The following CCDC88B variants were observed in gnomAD, a reference collection of about 807,000 sequenced individuals.
CCDC88B encodes coiled-coil domain-containing protein 88B.
CCDC88B carries 138 observed loss-of-function variants against 183.7 expected under a neutral mutation model. That is an observed-to-expected ratio of 0.75 (90% CI 0.65 to 0.87). The LOEUF is 0.87. Ranked by LOEUF, CCDC88B falls within the 40% of genes least tolerant of loss-of-function variation. The pLI, the probability that CCDC88B is intolerant of heterozygous loss-of-function variation, is 0.00. For missense variants in CCDC88B, 1,822 were observed against 1,965.6 expected, an observed-to-expected ratio of 0.93 and a Z score of 1.38; for synonymous variants, 835 against 867.5, an observed-to-expected ratio of 0.96 and a Z score of 0.66.
rs139153963 is a variant in CCDC88B, at chr11:64,349,595, C to T, written c.2789C>T (p.Ala930Val). The T allele has an allele frequency of 2.5e-4, 400 of 1,600,432 alleles. 2 individuals carry two copies. The African/African-American group carries it at 4.6e-3, about 18-fold the overall frequency. ...CGGCTGGAAGCTGAGCTGCAGGCGGCGGCGACCAGCAAGGAGGAGGCGCTG... is the reference window on the plus strand; with the variant it reads ...CGGCTGGAAGCTGAGCTGCAGGCGGTGGCGACCAGCAAGGAGGAGGCGCTG... ...EQRLEAELQA[A>V]ATSKEEALME... The change falls in exon 16 of 27, where the codon GCG becomes GTG. Residue 930 changes from alanine (A) to valine (V), a missense_variant. By Grantham distance (64) the Ala-to-Val change is moderately conservative. Coordinates refer to ENST00000356786, the MANE Select transcript of CCDC88B (RefSeq NM_032251.6).
Position 64,353,779 on chromosome 11 carries a change from C to G in CCDC88B, c.3898C>G (p.Arg1300Gly). Reference sequence around the variant, plus strand: ...CGTGGAGAAGATCATGGACCAATACCGCGTGCTGGAGCCTGTGCCCCTGCC... The same window carrying G: ...CGTGGAGAAGATCATGGACCAATACGGCGTGCTGGAGCCTGTGCCCCTGCC... The part of the protein sequence containing the change: ...KLVEKIMDQY[R>G]VLEPVPLPRT... Residue 1300 changes from arginine (R) to glycine (G), a missense_variant, in exon 23 of 27, where the codon CGC becomes GGC. Arg to Gly is a moderately radical substitution (Grantham distance 125). Transcript: ENST00000356786. 6.2e-7 allele frequency: 1 copy of G among 1,614,088 alleles called. No individual in the cohort carries two copies. Among genetic ancestry groups the G allele is most frequent in the Middle Eastern group, 1.7e-4 (1 of 6,058 alleles).
rs2035988890 is a variant in CCDC88B at position 64,343,855 on chromosome 11, AG to A, written c.1399del (p.Glu467ArgfsTer71). 1.9e-6 allele frequency: 3 copies of A among 1,604,252 alleles called. No homozygotes were observed. Among genetic ancestry groups the A allele is most frequent in the Non-Finnish European group, 2.6e-6 (3 of 1,175,870 alleles). ...GGCTGGGCGGCTTCGGACCCTTGAG[AG>A]GGAGAACCGGGAGCTTCGGGGGCTG... The part of the protein sequence containing the change: ...AEAGRLRTLE[R>X]ENRELRGLLQ... On this transcript the variant is annotated frameshift_variant, in exon 13 of 27. Transcript: ENST00000356786. LOFTEE classifies it high-confidence loss of function.
intron 14 of CCDC88B, among the ~76,000 whole-genome samples, chr11:64,347,966 C>G (rs767830545): frequency 1.4e-5 from 2 of 144,588 alleles, no homozygotes; most frequent in African/African-American, 2.6e-5. Flanking sequence ...AGGAGAATTG[C>G]TTGAACCCAG....
rs2036584057 is a variant in CCDC88B, at chr11:64,357,413, A to G, written c.*319A>G. The G allele has an allele frequency of 1.4e-6, 1 of 717,060 alleles. No individual in the cohort carries two copies. Among genetic ancestry groups the G allele is most frequent in the Non-Finnish European group, 2.6e-6 (1 of 384,990 alleles). 44.4% of individuals were successfully genotyped at this position (717,060 alleles called of 1,614,324 possible). On this transcript the variant is annotated 3_prime_UTR_variant, in exon 27 of 27. Transcript: ENST00000356786. Reference sequence around the variant, plus strand: ...GAGGCTGGCAGGAGTTGGCAAGAGAACCCCCTGCCCTGTCCAGGTGGGAAG... The same window carrying G: ...GAGGCTGGCAGGAGTTGGCAAGAGAGCCCCCTGCCCTGTCCAGGTGGGAAG...
At position 64,342,372 on chromosome 11, in the gene CCDC88B, G is replaced by A. The variant is rs1667483728; in HGVS notation, c.900G>A (p.Gln300=). 2 of 1,580,284 alleles carry A rather than the reference G, an allele frequency of 1.3e-6. No homozygotes were observed. Among genetic ancestry groups the A allele is most frequent in the Non-Finnish European group, 1.7e-6 (2 of 1,163,888 alleles). The change falls in exon 9 of 27, where the codon CAG becomes CAA. Residue 300 remains glutamine (Q), a synonymous_variant. Coordinates refer to ENST00000356786, the MANE Select transcript of CCDC88B (RefSeq NM_032251.6). ...GLEAEIRRLR[Q]EAQALSGQAK... ...AGGCCGAAATAAGAAGGCTCCGCCAGGAGGTGCGCTCACATGCTCCCCGCC... is the reference window on the plus strand; with the variant it reads ...AGGCCGAAATAAGAAGGCTCCGCCAAGAGGTGCGCTCACATGCTCCCCGCC...
chr11:64,347,480 G>A (rs2036157572), intron 14 of CCDC88B, among the ~76,000 whole-genome samples: 1 of 152,204 alleles, frequency 6.6e-6, no homozygotes, highest in African/African-American at 2.4e-5. Flanking sequence ...GGGAGGAAGA[G>A]TAATTTGCTC....
chr11:64,352,833 A>G lies in CCDC88B; in HGVS notation c.3446A>G (p.His1149Arg), dbSNP rs754897011. The G allele has an allele frequency of 2.1e-5, 34 of 1,612,360 alleles. No individual in the cohort carries two copies. Among genetic ancestry groups the G allele is most frequent in the African/African-American group, 4.0e-5 (3 of 74,942 alleles). Residue 1149 changes from histidine (H) to arginine (R), a missense_variant, in exon 20 of 27, where the codon CAT becomes CGT. Transcript: ENST00000356786. ...CGTGAACGCCTGATGCAAGATGGGC[A>G]TCGGCAGCGGGGCCTGGAGGAGGAG... Reference protein sequence around the residue: ...AERERLMQDGHRQRGLEEELR... With the variant: ...AERERLMQDGRRQRGLEEELR...
chr11:64,355,222 G>T lies in CCDC88B; in HGVS notation c.4128G>T (p.Arg1376=), dbSNP rs1469209957. ...TGSPSPAPMR[R]AQSSLCLRDE... ...CCCCTTCCCCGGCACCCATGCGCCGGGCCCAGAGCTCCCTCTGCCTGCGGG... is the reference window on the plus strand; with the variant it reads ...CCCCTTCCCCGGCACCCATGCGCCGTGCCCAGAGCTCCCTCTGCCTGCGGG... Residue 1376 remains arginine (R), a synonymous_variant, in exon 25 of 27, where the codon CGG becomes CGT. Coordinates refer to ENST00000356786, the MANE Select transcript of CCDC88B (RefSeq NM_032251.6). 6.6e-7 allele frequency: 1 copy of T among 1,504,406 alleles called. No individual in the cohort carries two copies. Among genetic ancestry groups the T allele is most frequent in the Non-Finnish European group, 8.9e-7 (1 of 1,129,470 alleles). 93.2% of individuals were successfully genotyped at this position (1,504,406 alleles called of 1,614,324 possible). A position where few individuals can be genotyped will look rare whatever the true frequency, so the allele number is the denominator to read the frequency against.
intron 18 of CCDC88B, 112 bp downstream of exon 18, chr11:64,351,728 T>C (rs2036341096): frequency 1.5e-6 from 2 of 1,303,210 alleles, no homozygotes; most frequent in East Asian, 2.5e-5. Flanking sequence ...GCCCCACCTC[T>C]TCCCCAGTCT....
At position 64,352,771 on chromosome 11, in the gene CCDC88B, C is replaced by T. The variant is rs368390660; in HGVS notation, c.3384C>T (p.Ala1128=). The change falls in exon 20 of 27, where the codon GCC becomes GCT. Residue 1128 remains alanine, a synonymous_variant. Coordinates refer to ENST00000356786, the MANE Select transcript of CCDC88B (RefSeq NM_032251.6). ...GRHEQLQAQR[A]SVEAQEVALL... ...ACGAGCAGCTGCAGGCCCAGCGGGC[C>T]AGCGTGGAGGCACAGGAGGTGGCCC... is the stretch of plus-strand genomic sequence containing the variant. 1 of 1,613,434 alleles carries T rather than the reference C, an allele frequency of 6.2e-7. No homozygotes were observed. The highest frequency in any genetic ancestry group is 1.3e-5 in the African/African-American group (1 of 74,952).
Position 64,352,424 on chromosome 11 carries a change from C to G in CCDC88B, c.3356+38C>G, listed in dbSNP as rs1038208718. ...AAATGCCCAGCTCCTCCCCTGGCAC[C>G]CCCTATCTGCCAGAGAAGACTCCCC... On this transcript the variant is annotated intron_variant, in intron 19 of 26. Coordinates refer to ENST00000356786, the MANE Select transcript of CCDC88B (RefSeq NM_032251.6). 10 of 1,495,560 alleles carry G rather than the reference C, an allele frequency of 6.7e-6. No individual in the cohort carries two copies. In the African/African-American group the frequency reaches 1.1e-4, roughly 17 times the overall value. The allele number at this position is 1,495,560 out of a possible 1,614,324, so 92.6% of individuals were successfully genotyped here.
At chr11:64,340,565 G>T (rs1330009642) in intron 1 of CCDC88B, 42 bp from the exon 2 acceptor site, 2 of 1,588,360 alleles carry the variant, frequency 1.3e-6, no homozygotes, top group East Asian at 2.2e-5. Flanking sequence ...GGGGCTCAGG[G>T]TTCACTCTGC....
chr11:64,344,606 A>T lies in CCDC88B; in HGVS notation c.2065A>T (p.Thr689Ser). Residue 689 changes from threonine (T) to serine (S), a missense_variant, in exon 14 of 27, where the codon ACG (threonine) becomes TCG (serine). Thr to Ser is a moderately conservative substitution (Grantham distance 58). Transcript: ENST00000356786. The surrounding 1 kb of genome is among the most constrained non-coding windows in gnomAD (Gnocchi z 4.5). ...AGAGCATGACCAGAGGCTGGAAGGGACGGTCAGGGACCCAGCCTGGCAAAA... is the reference window on the plus strand; with the variant it reads ...AGAGCATGACCAGAGGCTGGAAGGGTCGGTCAGGGACCCAGCCTGGCAAAA... The part of the protein sequence containing the change: ...AREHDQRLEG[T>S]VRDPAWQKPQ... 1.2e-6 allele frequency: 2 copies of T among 1,611,964 alleles called. No individual in the cohort carries two copies. Among genetic ancestry groups the T allele is most frequent in the Non-Finnish European group, 1.7e-6 (2 of 1,179,044 alleles).
chr11:64,349,284 G>A (rs766455275), intron 14 of CCDC88B, 47 bp from the exon 15 acceptor site: 69 of 1,520,732 alleles, frequency 4.5e-5, no homozygotes, highest in Admixed American at 2.8e-4. Context: ...CTCTGTCTCC[G>A]GCTGTCTCCT....
intron 20 of CCDC88B, 44 bp from the exon 21 acceptor site, chr11:64,353,010 G>T (rs558244096): frequency 6.5e-7 from 1 of 1,535,272 alleles, no homozygotes. Context: ...CACTCGGACT[G>T]GGGACCCAGG....
rs201915979 is a variant in CCDC88B at position 64,353,111 on chromosome 11, C to T, written c.3558C>T (p.Arg1186=). Reference sequence around the variant, plus strand: ...AGCGGGGTGAGCTGCAGGGTGAACGCGGGGAGCTACGGGGCCGGCTGGCGC... The same window carrying T: ...AGCGGGGTGAGCTGCAGGGTGAACGTGGGGAGCTACGGGGCCGGCTGGCGC... The part of the protein sequence containing the change: ...SRERGELQGE[R]GELRGRLARL... Residue 1186 remains arginine (R), a synonymous_variant, in exon 21 of 27, where the codon CGC becomes CGT. Coordinates refer to ENST00000356786, the MANE Select transcript of CCDC88B (RefSeq NM_032251.6). The T allele has an allele frequency of 3.1e-5, 49 of 1,606,460 alleles. No individual in the cohort carries two copies. In the Admixed American group the frequency reaches 4.1e-4, roughly 13 times the overall value.
Position 64,340,762 on chromosome 11 carries a change from A to G in CCDC88B, c.206+10A>G. 5 of 1,603,106 alleles carry G rather than the reference A, an allele frequency of 3.1e-6. No homozygotes were observed. The highest frequency in any genetic ancestry group is 2.6e-6 in the Non-Finnish European group (3 of 1,175,046). ...GGGTGCTGGGCATCATGTAAGGGGC[A>G]TCGGGCCGGGGCGGTGGCGGGGAAG... On this transcript the variant is annotated intron_variant, in intron 2 of 26. Coordinates refer to ENST00000356786, the MANE Select transcript of CCDC88B (RefSeq NM_032251.6).
rs191266702 is a variant in CCDC88B, at chr11:64,351,647, C to T, written c.3099+31C>T. On this transcript the variant is annotated intron_variant, in intron 18 of 26. Coordinates refer to ENST00000356786, the MANE Select transcript of CCDC88B (RefSeq NM_032251.6). Reference sequence around the variant, plus strand: ...TGGTGGCCCGGGTGCCCATCCCTGCCCATGTACTGCCCCCTCCTGCTCCTT... The same window carrying T: ...TGGTGGCCCGGGTGCCCATCCCTGCTCATGTACTGCCCCCTCCTGCTCCTT... 1.2e-5 allele frequency: 19 copies of T among 1,532,776 alleles called. No individual in the cohort carries two copies. The East Asian group carries it at 4.0e-4, about 32-fold the overall frequency. 94.9% of individuals were successfully genotyped at this position (1,532,776 alleles called of 1,614,324 possible).
In CCDC88B at chr11:64,344,883, G is replaced by T; in HGVS notation, c.2342G>T (p.Arg781Leu). ...QARRAEAEAH[R>L]EAEAQAWEQA... ...CGAAGGGCAGAGGCCGAGGCCCACC[G>T]GGAGGCAGAGGCCCAGGCCTGGGAG... The change falls in exon 14 of 27, where the codon CGG becomes CTG. Residue 781 changes from arginine to leucine, a missense_variant. By Grantham distance (102) the Arg-to-Leu change is moderately radical (BLOSUM62 -2). Transcript: ENST00000356786. The surrounding 1 kb of genome is among the most constrained non-coding windows in gnomAD (Gnocchi z 4.5). 6.3e-7 allele frequency: 1 copy of T among 1,596,892 alleles called. No homozygotes were observed. The highest frequency in any genetic ancestry group is 8.5e-7 in the Non-Finnish European group (1 of 1,171,684).
Sources: allele counts gnomAD v4.1 joint callset (sites outside exome capture counted in the v4.1 genomes callset), GRCh38; gene constraint gnomAD v4.1.1; non-coding constraint Gnocchi (gnomAD v3.1); transcripts MANE v1.5; gene names NCBI Gene and HGNC (gene_info 2026-07-23, HGNC 2026-07-21).